CDC42BPG: variants seen among roughly 807,000 people sequenced by gnomAD.
CDC42BPG encodes serine/threonine-protein kinase MRCK gamma.
In CDC42BPG, 157 loss-of-function variants were observed where a neutral mutation model predicts 192.2. That is an observed-to-expected ratio of 0.82 (90% CI 0.72 to 0.93). CDC42BPG has a LOEUF of 0.93. Among genes scored for constraint, CDC42BPG ranks in the 40% least tolerant of loss-of-function variants. The probability of loss-of-function intolerance (pLI) is 0.00; values close to 1 mark genes in which losing one functional copy is unlikely to be tolerated. For missense variants in CDC42BPG, 1,992 were observed against 2,122.1 expected (o/e 0.94, Z 1.20); for synonymous variants, 981 against 918.5 (o/e 1.07, Z -1.23).
chr11:64,844,394 C>G lies in CDC42BPG; in HGVS notation c.160+16G>C. 1 of 1,401,160 alleles carries G rather than the reference C, an allele frequency of 7.1e-7. No individual in the cohort carries two copies. The allele number at this position is 1,401,160 out of a possible 1,614,324, so 86.8% of individuals were successfully genotyped here. A position where few individuals can be genotyped will look rare whatever the true frequency, so the allele number is the denominator to read the frequency against. On this transcript the variant is annotated intron_variant, in intron 1 of 36. Transcript: ENST00000342711. ...TCCCTAGGCCCGCCCCCGCTCCGTG[C>G]CGCCCCGCCACTCACCCCAGCTCAG...
chr11:64,832,897 CA>C lies in CDC42BPG; in HGVS notation c.2793del (p.Asp932ThrfsTer42), dbSNP rs1169197120. 5 of 1,552,752 alleles carry C rather than the reference CA, an allele frequency of 3.2e-6. No individual in the cohort carries two copies. Among genetic ancestry groups the C allele is most frequent in the Non-Finnish European group, 3.5e-6 (4 of 1,147,972 alleles). Reference protein sequence around the residue: ...APQAPPCPVPPDLLRTALGVH... With the variant: ...APQAPPCPVPXDLLRTALGVH... ...ACTCCCAGGGCTGTGCGGAGGAGGTCAGGGGGCACGGGGCAGGGTGGGGCCT... is the reference window on the plus strand; with the variant it reads ...ACTCCCAGGGCTGTGCGGAGGAGGTCGGGGGCACGGGGCAGGGTGGGGCCT... On this transcript the variant is annotated frameshift_variant, in exon 25 of 37. Coordinates refer to ENST00000342711, the MANE Select transcript of CDC42BPG (RefSeq NM_017525.3). LOFTEE classifies it high-confidence loss of function.
At chr11:64,836,614 A>T (rs1230132149) in intron 11 of CDC42BPG, 84 bp from the exon 12 acceptor site, 2 of 1,319,874 alleles carry the variant, frequency 1.5e-6, no homozygotes, top group Non-Finnish European at 2.1e-6. Context: ...CCTGTTTCCC[A>T]CACGCGGGCT....
chr11:64,844,228 G>T (rs1490448545), intron 1 of CDC42BPG, among the ~76,000 whole-genome samples, 182 bp downstream of exon 1: 1 of 151,972 alleles, frequency 6.6e-6, no homozygotes, highest in African/African-American at 2.4e-5. Context: ...TTGGAGTGAG[G>T]GTGAGGTGTG....
chr11:64,836,718 G>GGGGT (rs1943024855), intron 11 of CDC42BPG, 21 bp downstream of exon 11: 46 of 849,648 alleles, frequency 5.4e-5, no homozygotes, highest in East Asian at 8.8e-5. Flanking sequence ...GGGGGGGGGG[G>GGGGT]GGGGTGGGCG....
chr11:64,829,406 G>A (rs1422007843), intron 30 of CDC42BPG, 65 bp downstream of exon 30: 1 of 1,564,096 alleles, frequency 6.4e-7, no homozygotes, highest in Non-Finnish European at 8.6e-7. Context: ...GTTGAGGCGG[G>A]ACCCTGTCTT....
chr11:64,833,112 G>A, intron 24 of CDC42BPG, 119 bp downstream of exon 24: 1 of 1,282,330 alleles, frequency 7.8e-7, no homozygotes, highest in Non-Finnish European at 1.1e-6. Flanking sequence ...GAACAAAGCT[G>A]AGCAGGAGGA....
intron 1 of CDC42BPG, among the ~76,000 whole-genome samples, chr11:64,844,117 C>T (rs1409695179): frequency 2.6e-5 from 4 of 152,036 alleles, no homozygotes; most frequent in Non-Finnish European, 5.9e-5. Context: ...GGACTCTAGG[C>T]GGTGCACTGG....
chr11:64,836,533 G>A lies in CDC42BPG; in HGVS notation c.1385-3C>T, dbSNP rs1942999509. The A allele has an allele frequency of 3.1e-6, 5 of 1,612,330 alleles. No individual in the cohort carries two copies. The highest frequency in any genetic ancestry group is 1.1e-5 in the South Asian group (1 of 91,076). ...TGAGGCCTTGTCCCTCAGCATCTCT[G>A]CCAGGAAGAGTCACTGAGACCTCGA... On this transcript the variant is annotated splice_region_variant and splice_polypyrimidine_tract_variant and intron_variant, in intron 11 of 36. Coordinates refer to ENST00000342711, the MANE Select transcript of CDC42BPG (RefSeq NM_017525.3).
chr11:64,838,545 G>T, intron 8 of CDC42BPG, 109 bp downstream of exon 8: 1 of 1,409,314 alleles, frequency 7.1e-7, no homozygotes, highest in Non-Finnish European at 9.7e-7. Flanking sequence ...AAGCCCCGGT[G>T]TCTGAAGGCC....
At chr11:64,833,193 G>A in intron 24 of CDC42BPG, 38 bp downstream of exon 24, 1 of 1,464,232 alleles carries the variant, frequency 6.8e-7, no homozygotes, top group Non-Finnish European at 9.3e-7. Flanking sequence ...CCACACACCT[G>A]GGACCGTGGC....
In CDC42BPG at chr11:64,836,514, C is replaced by G. The variant is rs140513035; in HGVS notation, c.1401G>C (p.Lys467Asn). Residue 467 changes from lysine (K) to asparagine (N), a missense_variant, in exon 12 of 37, where the codon AAG becomes AAC. By Grantham distance (94) the Lys-to-Asn change is moderately conservative. Transcript: ENST00000342711. Reference sequence around the variant, plus strand: ...GCCCATCCGTCTGGGACAATGAGGCCTTGTCCCTCAGCATCTCTGCCAGGA... The same window carrying G: ...GCCCATCCGTCTGGGACAATGAGGCGTTGTCCCTCAGCATCTCTGCCAGGA... ...RDRLPEMLRD[K>N]ASLSQTDGPP... The G allele has an allele frequency of 9.7e-4, 1,565 of 1,613,182 alleles. 20 individuals carry two copies. The African/African-American group carries it at 0.018, about 19-fold the overall frequency.
At chr11:64,837,950 G>T in intron 9 of CDC42BPG, 133 bp downstream of exon 9, 1 of 772,704 alleles carries the variant, frequency 1.3e-6, no homozygotes, top group South Asian at 1.5e-5. Flanking sequence ...ATGAGGGCTA[G>T]AGCACCTGCC....
intron 1 of CDC42BPG, 44 bp downstream of exon 1, chr11:64,844,366 A>G: frequency 7.4e-7 from 1 of 1,343,838 alleles, no homozygotes; most frequent in South Asian, 1.8e-5. Flanking sequence ...TCTCGGCGCG[A>G]TATCCCTAGG....
intron 36 of CDC42BPG, 77 bp downstream of exon 36, chr11:64,826,393 A>G (rs1042663532): frequency 4.1e-6 from 4 of 981,948 alleles, no homozygotes; most frequent in Non-Finnish European, 6.4e-6. Flanking sequence ...AGCCTAGGTC[A>G]CTGTGCAAGG....
Position 64,832,389 on chromosome 11 carries a change from G to A in CDC42BPG, c.3087+39C>T, listed in dbSNP as rs1217937575. On this transcript the variant is annotated intron_variant, in intron 27 of 36. Coordinates refer to ENST00000342711, the MANE Select transcript of CDC42BPG (RefSeq NM_017525.3). Reference sequence around the variant, plus strand: ...GGCCAGAGCTGGGACAGCATGGGGAGGTGGATGGTGGCTGCTCCATCTCAT... The same window carrying A: ...GGCCAGAGCTGGGACAGCATGGGGAAGTGGATGGTGGCTGCTCCATCTCAT... 2.5e-6 allele frequency: 4 copies of A among 1,588,010 alleles called. No individual in the cohort carries two copies. In the East Asian group the frequency reaches 6.7e-5, roughly 27 times the overall value.
intron 23 of CDC42BPG, 114 bp downstream of exon 23, chr11:64,833,486 T>A: frequency 2.7e-6 from 3 of 1,104,500 alleles, no homozygotes; most frequent in Non-Finnish European, 3.9e-6. Flanking sequence ...CGCCACCACC[T>A]CCACCCCAAT....
chr11:64,833,382 G>A, intron 23 of CDC42BPG, 46 bp from the exon 24 acceptor site: 2 of 1,122,098 alleles, frequency 1.8e-6, no homozygotes, highest in East Asian at 2.6e-5. Context: ...AGGGCCCCAT[G>A]CCCCATCCCT....
In CDC42BPG at chr11:64,827,282, G is replaced by GCTGCTGCTT. The variant is rs755212692; in HGVS notation, c.4258_4266dup (p.Lys1420_Gln1422dup). 144 of 1,613,766 alleles carry GCTGCTGCTT rather than the reference G, an allele frequency of 8.9e-5. 1 individual carries two copies. The South Asian group carries it at 1.4e-3, about 16-fold the overall frequency. On this transcript the variant is annotated inframe_insertion, in exon 33 of 37. Coordinates refer to ENST00000342711, the MANE Select transcript of CDC42BPG (RefSeq NM_017525.3). ...CCCCGCGTCGTGCACGCGCACCTGC[G>GCTGCTGCTT]CTGCTGCTTCTGCTGCTCCTCCGAC...
In CDC42BPG at chr11:64,844,522, G is replaced by A. The variant is rs778236401; in HGVS notation, c.48C>T (p.Ala16=). 4.2e-5 allele frequency: 55 copies of A among 1,318,204 alleles called. No homozygotes were observed. The highest frequency in any genetic ancestry group is 2.8e-4 in the Middle Eastern group (1 of 3,556). 81.7% of individuals were successfully genotyped at this position (1,318,204 alleles called of 1,614,324 possible). A position where few individuals can be genotyped will look rare whatever the true frequency, so the allele number is the denominator to read the frequency against. Residue 16 remains alanine, a synonymous_variant, in exon 1 of 37, where the codon GCC becomes GCT. Transcript: ENST00000342711. ...GGCCGTCGAGCCCCGGGCAGCCGCC[G>A]GCCTCGCCCCGCGCCAGCTGCTCCA... ...RALEQLARGE[A]GGCPGLDGLL...
Sources: gnomAD v4.1 joint callset for allele counts (sites outside exome capture counted in the v4.1 genomes callset) on GRCh38, gnomAD v4.1.1 for gene constraint, MANE v1.5 for transcripts, NCBI Gene and HGNC (gene_info 2026-07-23, HGNC 2026-07-21) for gene names.